ZFHX3: variants seen among roughly 807,000 people sequenced by gnomAD.
The protein encoded by ZFHX3 is zinc finger homeobox protein 3.
Under a neutral mutation model 279.1 loss-of-function variants are expected in ZFHX3, and 42 were observed. The observed-to-expected ratio is 0.15, with a 90% CI of 0.12 to 0.19. The LOEUF (loss-of-function observed/expected upper bound fraction) is 0.19. ZFHX3 is among the 10% of genes least tolerant of loss of function. The pLI, the probability that ZFHX3 is intolerant of heterozygous loss-of-function variation, is 1.00. For synonymous variants in ZFHX3, 2,293 were observed against 1,957.8 expected (o/e 1.17, Z -4.52); for missense variants, 4,981 against 4,754.0 (o/e 1.05, Z -1.40).
At chr16:73,817,539 G>C (rs1349006068) in intron 1 of ZFHX3, among the ~76,000 whole-genome samples, 2 of 152,166 alleles carry the variant, frequency 1.3e-5, no homozygotes. Flanking sequence ...TTCTGACAGA[G>C]AGATTGGGAA....
In ZFHX3 at chr16:72,788,196, T is replaced by G; in HGVS notation, c.10080A>C (p.Leu3360=). 6.2e-7 allele frequency: 1 copy of G among 1,612,432 alleles called. No homozygotes were observed. Among genetic ancestry groups the G allele is most frequent in the Non-Finnish European group, 8.5e-7 (1 of 1,179,004 alleles). Residue 3360 remains leucine, a synonymous_variant, in exon 10 of 10, where the codon CTA becomes CTC. Coordinates refer to ENST00000268489, the MANE Select transcript of ZFHX3 (RefSeq NM_006885.4). The part of the protein sequence containing the change: ...QALMGLSPGS[L]LQQYQQYQQS... ...GCTGGTATTGCTGGTACTGCTGCAG[T>G]AGGGAGCCTGGGGACAGCCCCATCA...
intron 1 of ZFHX3, among the ~76,000 whole-genome samples, chr16:73,700,004 C>T (rs1408899650): frequency 6.6e-6 from 1 of 152,134 alleles, no homozygotes; most frequent in Non-Finnish European, 1.5e-5. Flanking sequence ...CAGGAGATCA[C>T]TTAAGCCCAG....
intron 8 of ZFHX3, among the ~76,000 whole-genome samples, chr16:73,074,297 C>T (rs1450092128): frequency 6.6e-6 from 1 of 152,182 alleles, no homozygotes; most frequent in Admixed American, 6.5e-5. Flanking sequence ...TCACCCAGCT[C>T]CTCATATTCA....
intron 5 of ZFHX3, among the ~76,000 whole-genome samples, chr16:73,161,110 C>T (rs1967225493): frequency 6.6e-6 from 1 of 152,070 alleles, no homozygotes; most frequent in South Asian, 2.1e-4. Flanking sequence ...GTAGCTGGGA[C>T]TACAGGCGCC....
chr16:73,787,708 A>C (rs924677515), intron 1 of ZFHX3, among the ~76,000 whole-genome samples: 2 of 152,172 alleles, frequency 1.3e-5, no homozygotes, highest in Non-Finnish European at 2.9e-5. Context: ...ACTATCTGGC[A>C]TAGGAATCAT....
chr16:72,876,937 C>T (rs1597336596), intron 4 of ZFHX3, among the ~76,000 whole-genome samples: 2 of 151,738 alleles, frequency 1.3e-5, no homozygotes, highest in Admixed American at 6.6e-5. Context: ...AGAGACTTGG[C>T]GGGGGAGAAA....
chr16:73,548,037 T>C (rs1359439818), intron 2 of ZFHX3, among the ~76,000 whole-genome samples: 1 of 152,236 alleles, frequency 6.6e-6, no homozygotes, highest in African/African-American at 2.4e-5. Flanking sequence ...TACACAGTCC[T>C]TGCTATAAAC....
At chr16:73,059,393 C>G (rs1965648134) in exon 1 of ZFHX3, 1 of 151,130 alleles carries the variant, frequency 6.6e-6, no homozygotes, top group South Asian at 2.1e-4. Flanking sequence ...CACACACACA[C>G]ACACGCACAC....
At chr16:73,070,520 A>G (rs981764392) in intron 8 of ZFHX3, among the ~76,000 whole-genome samples, 3 of 152,196 alleles carry the variant, frequency 2.0e-5, no homozygotes, top group East Asian at 1.9e-4. Context: ...TAAGAATGCA[A>G]TTCCACTCTG....
intron 4 of ZFHX3, among the ~76,000 whole-genome samples, chr16:72,831,069 G>C (rs1329288903): frequency 6.6e-6 from 1 of 152,130 alleles, no homozygotes; most frequent in Non-Finnish European, 1.5e-5. Context: ...TGACCCTCTA[G>C]AAAACAGCCT....
rs773795999 is a variant in ZFHX3 at position 72,797,769 on chromosome 16, C to G, written c.4913G>C (p.Gly1638Ala). The G allele has an allele frequency of 6.2e-7, 1 of 1,614,062 alleles. No homozygotes were observed. Residue 1638 changes from glycine (G) to alanine (A), a missense_variant, in exon 9 of 10, where the codon GGG becomes GCG. Gly to Ala is a moderately conservative substitution (Grantham distance 60). This residue lies in a region of ZFHX3 where 1,751 missense variants were observed against 1,770.0 expected (regional missense o/e 0.99). Coordinates refer to ENST00000268489, the MANE Select transcript of ZFHX3 (RefSeq NM_006885.4). ...KLEAASGSSN[G>A]TGNSSSISLS... Reference sequence around the variant, plus strand: ...GGAAATACTGCTGCTGTTCCCAGTCCCATTGCTGCTGCCACTTGCAGCCTC... The same window carrying G: ...GGAAATACTGCTGCTGTTCCCAGTCGCATTGCTGCTGCCACTTGCAGCCTC...
At chr16:73,741,176 G>A (rs145095862) in intron 1 of ZFHX3, among the ~76,000 whole-genome samples, 2,535 of 151,854 alleles carry the variant, frequency 0.017, 47 homozygotes, top group Non-Finnish European at 0.022. Context: ...GATTACAGGC[G>A]CCTGCCACGA....
intron 2 of ZFHX3, among the ~76,000 whole-genome samples, chr16:73,493,546 G>T (rs1438024748): frequency 6.6e-6 from 1 of 152,200 alleles, no homozygotes; most frequent in East Asian, 1.9e-4. Context: ...GGTCAGAAAT[G>T]AACAGCTGCT....
chr16:73,450,419 A>G (rs1008520742), intron 3 of ZFHX3, among the ~76,000 whole-genome samples: 1 of 152,134 alleles, frequency 6.6e-6, no homozygotes, highest in Admixed American at 6.6e-5. Context: ...GTATTCTACC[A>G]CTTTTAATTT....
At chr16:73,248,989 A>G (rs1309484451) in intron 5 of ZFHX3, among the ~76,000 whole-genome samples, 1 of 152,196 alleles carries the variant, frequency 6.6e-6, no homozygotes, top group African/African-American at 2.4e-5. Flanking sequence ...ATACGTTTTC[A>G]TTCACTTCAA....
chr16:73,161,452 T>A (rs1388341327), intron 5 of ZFHX3, among the ~76,000 whole-genome samples: 1 of 152,242 alleles, frequency 6.6e-6, no homozygotes, highest in Non-Finnish European at 1.5e-5. Flanking sequence ...GTCTTCAGAC[T>A]TGATTATGTG....
chr16:73,834,037 G>T, intron 1 of ZFHX3, among the ~76,000 whole-genome samples: 1 of 152,160 alleles, frequency 6.6e-6, no homozygotes, highest in Non-Finnish European at 1.5e-5. Context: ...GTCTATTGAT[G>T]CACTAGAAAG....
At chr16:73,717,386 T>C (rs896190093) in intron 1 of ZFHX3, among the ~76,000 whole-genome samples, 2 of 152,052 alleles carry the variant, frequency 1.3e-5, no homozygotes, top group Non-Finnish European at 2.9e-5. Flanking sequence ...TGCCAGAAGT[T>C]TCCTGATACT....
chr16:73,483,574 G>C (rs555262839), intron 2 of ZFHX3: 68 of 344,474 alleles, frequency 2.0e-4, no homozygotes, highest in South Asian at 7.8e-4. Context: ...GCCTACAAGG[G>C]CCTACCAGAC....
Sources: gnomAD v4.1 joint callset for allele counts (sites outside exome capture counted in the v4.1 genomes callset) on GRCh38, gnomAD v4.1.1 for gene constraint, gnomAD v4.1.1 regional missense constraint, MANE v1.5 for transcripts, NCBI Gene and HGNC (gene_info 2026-07-23, HGNC 2026-07-21) for gene names.